PARP10: variants seen among roughly 807,000 people sequenced by gnomAD.
PARP10 encodes protein mono-ADP-ribosyltransferase PARP10.
PARP10 carries 56 observed loss-of-function variants against 82.4 expected under a neutral mutation model. That is an observed-to-expected ratio of 0.68 (90% CI 0.55 to 0.85). The LOEUF (loss-of-function observed/expected upper bound fraction) is 0.85. PARP10 is among the 40% of genes least tolerant of loss of function. PARP10 has a pLI of 0.00. For missense variants in PARP10, 1,227 were observed against 1,379.4 expected (o/e 0.89, Z 1.75); for synonymous variants, 576 against 601.1 (o/e 0.96, Z 0.61).
Position 143,986,143 on chromosome 8 carries a change from A to T in PARP10, c.93T>A (p.Phe31Leu). 1.9e-6 allele frequency: 3 copies of T among 1,613,802 alleles called. No individual in the cohort carries two copies. The highest frequency in any genetic ancestry group is 2.5e-6 in the Non-Finnish European group (3 of 1,179,928). ...CCCCTCCAGAGCGTCGGCGGTTTTCAAAGTAGAGAGTGAGCAGCTCGTCGG... is the reference window on the plus strand; with the variant it reads ...CCCCTCCAGAGCGTCGGCGGTTTTCTAAGTAGAGAGTGAGCAGCTCGTCGG... ...AVPDELLTLY[F>L]ENRRRSGGGP... Residue 31 changes from phenylalanine (F) to leucine (L), a missense_variant, in exon 2 of 11, where the codon TTT (phenylalanine) becomes TTA (leucine). Transcript: ENST00000313028.
chr8:143,989,948 G>T (rs1328022004), upstream of PARP10: 1 of 152,198 alleles, frequency 6.6e-6, no homozygotes, highest in South Asian at 2.1e-4. This position sits in a 1 kb window ranked among gnomAD's most constrained non-coding sequence, Gnocchi z 4.3. Flanking sequence ...TGGCCGGAGC[G>T]AAGAGGAACA....
rs1002763273 is a variant in PARP10, at chr8:144,011,894, G to A, written c.-80+636C>T. Among the ~76,000 whole-genome samples, 40 of 152,296 alleles carry A rather than the reference G, an allele frequency of 2.6e-4. No individual in the cohort carries two copies. Among genetic ancestry groups the A allele is most frequent in the African/African-American group, 9.4e-4 (39 of 41,572 alleles). On this transcript the variant is annotated intron_variant, in intron 1 of 3. Transcript: ENST00000530478. This position sits in a 1 kb window ranked among gnomAD's most constrained non-coding sequence, Gnocchi z 4.5. ...AGAAGAAATCATGGGCGAGTGTCCA[G>A]GCCTTCAAGACACAGCAACCAGGAG...
Position 144,011,952 on chromosome 8 carries a change from G to C in PARP10, c.-80+578C>G, listed in dbSNP as rs1487136077. ...AGAGGCCAAACCCAGGCATGTTCAA[G>C]ATCACCAAGAAGGGGCATCCTGGCC... On this transcript the variant is annotated intron_variant, in intron 1 of 3. Transcript: ENST00000530478. This position sits in a 1 kb window ranked among gnomAD's most constrained non-coding sequence, Gnocchi z 4.5. Among the ~76,000 whole-genome samples the C allele has an allele frequency of 6.6e-6, 1 of 152,172 alleles. No individual in the cohort carries two copies. Among genetic ancestry groups the C allele is most frequent in the Non-Finnish European group, 1.5e-5 (1 of 68,034 alleles).
In PARP10 at chr8:143,996,608, C is replaced by T. The variant is rs150061536; in HGVS notation, c.-79-10170G>A. Among the ~76,000 whole-genome samples, 304 of 152,310 alleles carry T rather than the reference C, an allele frequency of 2.0e-3. 2 individuals carry two copies. The highest frequency in any genetic ancestry group is 3.4e-3 in the Middle Eastern group (1 of 294). On this transcript the variant is annotated intron_variant, in intron 1 of 3. Transcript: ENST00000530478. Reference sequence around the variant, plus strand: ...AGTCCAGGGCCTGGCACACCACAGGCGTCAAACGTGAAAGGAAGGAATGAC... The same window carrying T: ...AGTCCAGGGCCTGGCACACCACAGGTGTCAAACGTGAAAGGAAGGAATGAC...
intron 1 of PARP10, among the ~76,000 whole-genome samples, chr8:144,009,021 A>G (rs1564262696): frequency 6.6e-6 from 1 of 152,116 alleles, no homozygotes; most frequent in African/African-American, 2.4e-5. Flanking sequence ...CTGTGAGTCT[A>G]AGGAGGGGCT....
rs868915749 is a variant in PARP10 at position 143,978,032 on chromosome 8, C to T, written c.2606G>A (p.Arg869Gln). ...PLLQQQYELYRERLLQRCERR... is the reference protein window; with the variant it reads ...PLLQQQYELYQERLLQRCERR... ...CTCGCATCGCTGCAGCAGGCGCTCC[C>T]GGTACAGCTCATACTGCTGCTGCAG... The change falls in exon 10 of 11, where the codon CGG becomes CAG. Residue 869 changes from arginine (R) to glutamine (Q), a missense_variant. Physicochemically the swap from Arg to Gln is conservative, Grantham distance 43 (BLOSUM62 1). Coordinates refer to ENST00000313028, the MANE Select transcript of PARP10 (RefSeq NM_032789.5). 6 of 1,576,762 alleles carry T rather than the reference C, an allele frequency of 3.8e-6. No homozygotes were observed. The highest frequency in any genetic ancestry group is 2.7e-5 in the African/African-American group (2 of 74,234).
chr8:143,986,454 C>T lies in PARP10; in HGVS notation c.-95G>A. Reference sequence around the variant, plus strand: ...CCTAACCCTGCTGGGAGCAGGAAAACAAAAGTGAAACTGAAAGACGGAAGG... The same window carrying T: ...CCTAACCCTGCTGGGAGCAGGAAAATAAAAGTGAAACTGAAAGACGGAAGG... On this transcript the variant is annotated 5_prime_UTR_variant, in exon 1 of 11. Transcript: ENST00000313028. The T allele has an allele frequency of 1.9e-6, 3 of 1,601,700 alleles. No homozygotes were observed. Among genetic ancestry groups the T allele is most frequent in the Admixed American group, 3.3e-5 (2 of 59,754 alleles).
intron 1 of PARP10, among the ~76,000 whole-genome samples, chr8:144,003,748 C>T (rs566348522): frequency 7.9e-5 from 12 of 152,040 alleles, no homozygotes; most frequent in Middle Eastern, 6.8e-3. Context: ...GCATAGGGGC[C>T]GGCGCAGTGG....
Position 144,009,771 on chromosome 8 carries a change from C to T in PARP10, c.-80+2759G>A, listed in dbSNP as rs532907657. 5.9e-4 allele frequency among the ~76,000 whole-genome samples: 90 copies of T among 152,268 alleles called. 2 individuals carry two copies. Among genetic ancestry groups the T allele is most frequent in the African/African-American group, 1.8e-3 (75 of 41,544 alleles). On this transcript the variant is annotated intron_variant, in intron 1 of 3. Coordinates refer to the PARP10 transcript ENST00000530478. ...AGGCTCCACCACCCATGCCAGAAGCCGCAAGGCCATCCTGCCCTCGTTCTC... is the reference window on the plus strand; with the variant it reads ...AGGCTCCACCACCCATGCCAGAAGCTGCAAGGCCATCCTGCCCTCGTTCTC...
intron 1 of PARP10, among the ~76,000 whole-genome samples, chr8:144,002,470 C>A (rs1239431875): frequency 6.6e-6 from 1 of 152,136 alleles, no homozygotes; most frequent in Non-Finnish European, 1.5e-5. Context: ...CACAAATACT[C>A]AGGACACTTC....
chr8:143,981,345 G>GTGGTA, intron 9 of PARP10, among the ~76,000 whole-genome samples: 1 of 107,534 alleles, frequency 9.3e-6, no homozygotes, highest in Non-Finnish European at 2.0e-5. Flanking sequence ...GAGTGGTGAA[G>GTGGTA]GTGATGGTGA....
rs182781977 is a variant in PARP10 at position 143,977,857 on chromosome 8, G to T, written c.2732-27C>A. 7.2e-4 allele frequency: 1,155 copies of T among 1,598,252 alleles called. 4 individuals carry two copies. In the African/African-American group the frequency reaches 0.013, roughly 17 times the overall value. ...TGCAGGGCGAGACGGGGCAAGGTCAGGGTGGTCGGGGTGCGCAGAGCCCCC... is the reference window on the plus strand; with the variant it reads ...TGCAGGGCGAGACGGGGCAAGGTCATGGTGGTCGGGGTGCGCAGAGCCCCC... On this transcript the variant is annotated intron_variant, in intron 10 of 10. Coordinates refer to ENST00000313028, the MANE Select transcript of PARP10 (RefSeq NM_032789.5).
intron 9 of PARP10, 46 bp from the exon 10 acceptor site, chr8:143,978,127 T>A: frequency 1.4e-6 from 2 of 1,452,770 alleles, no homozygotes; most frequent in Non-Finnish European, 1.8e-6. Flanking sequence ...CCCTACGCCC[T>A]GGGGCCGACG....
At chr8:143,982,826 G>C (rs1273064619) in intron 9 of PARP10, 106 bp downstream of exon 9, 1 of 1,515,494 alleles carries the variant, frequency 6.6e-7, no homozygotes, top group Non-Finnish European at 8.9e-7. Context: ...CTCCTGGTCA[G>C]CTGACCTTGA....
intron 1 of PARP10, among the ~76,000 whole-genome samples, chr8:143,996,817 T>G (rs1402147867): frequency 7.2e-5 from 11 of 152,136 alleles, no homozygotes; most frequent in Middle Eastern, 3.2e-3. Context: ...CATGGGAGAC[T>G]CGCAGCGGGC....
rs577009369 is a variant in PARP10, at chr8:143,998,809, G to A, written c.-79-12371C>T. ...TACAAAAAATACAAAAATTAGCCAG[G>A]CATGGTTGTGTGTGCCTGTAGTCCC... On this transcript the variant is annotated intron_variant, in intron 1 of 3. Coordinates refer to the PARP10 transcript ENST00000530478. Among the ~76,000 whole-genome samples the A allele has an allele frequency of 4.6e-5, 7 of 152,150 alleles. No individual in the cohort carries two copies. The South Asian group carries it at 1.5e-3, about 32-fold the overall frequency.
intron 9 of PARP10, among the ~76,000 whole-genome samples, chr8:143,979,800 C>T (rs149416592): frequency 2.6e-5 from 4 of 151,910 alleles, no homozygotes; most frequent in South Asian, 2.1e-4. Context: ...CCGAGGTGGG[C>T]GGATCACGAG....
At chr8:143,992,387 CGTGGCTGGGCT>C (rs1834114979), upstream of PARP10, 3 of 1,607,898 alleles carry the variant, frequency 1.9e-6, no homozygotes, top group Non-Finnish European at 2.6e-6. Flanking sequence ...AGGGGCCTCC[CGTGGCTGGGCT>C]GTGGCCGCAG....
chr8:143,983,084 C>CG lies in PARP10; in HGVS notation c.2423-20dup, dbSNP rs376223728. ...CCCGCCACTGATGCATGGGGAAAAG[C>CG]GGGGGGTCAGAGCCATGCCTGGGGC... On this transcript the variant is annotated intron_variant, in intron 8 of 10. Transcript: ENST00000313028. 1.2e-6 allele frequency: 2 copies of CG among 1,613,796 alleles called. No homozygotes were observed. Among genetic ancestry groups the CG allele is most frequent in the African/African-American group, 1.3e-5 (1 of 75,042 alleles).
Sources: allele counts gnomAD v4.1 joint callset (sites outside exome capture counted in the v4.1 genomes callset), GRCh38; gene constraint gnomAD v4.1.1; non-coding constraint Gnocchi (gnomAD v3.1); transcripts MANE v1.5; gene names NCBI Gene and HGNC (gene_info 2026-07-23, HGNC 2026-07-21).